The following AFDN variants were observed in gnomAD, a reference collection of about 807,000 sequenced individuals.
AFDN encodes the protein afadin.
AFDN carries 68 observed loss-of-function variants against 216.6 expected under a neutral mutation model. The ratio of observed to expected loss-of-function variants is 0.31; its 90% CI spans 0.26 to 0.38. The LOEUF (loss-of-function observed/expected upper bound fraction) is 0.38. Among genes scored for constraint, AFDN ranks in the 10% least tolerant of loss-of-function variants. The pLI, the probability that AFDN is intolerant of heterozygous loss-of-function variation, is 1.00. For missense variants in AFDN, 2,136 were observed against 2,342.0 expected, an observed-to-expected ratio of 0.91 and a Z score of 1.82; for synonymous variants, 868 against 853.7, an observed-to-expected ratio of 1.02 and a Z score of -0.29.
chr6:167,856,485 T>A (rs1459945042), intron 1 of AFDN, among the ~76,000 whole-genome samples: 1 of 152,108 alleles, frequency 6.6e-6, no homozygotes, highest in African/African-American at 2.4e-5. Flanking sequence ...CACATACTCT[T>A]AGGTACTATT....
chr6:167,946,246 A>C (rs1795241076), intron 26 of AFDN, among the ~76,000 whole-genome samples: 1 of 152,256 alleles, frequency 6.6e-6, no homozygotes, highest in Non-Finnish European at 1.5e-5. Flanking sequence ...TGTGAATAGT[A>C]GATGATAAAC....
chr6:167,914,881 C>T (rs114421132), intron 18 of AFDN, 143 bp downstream of exon 18: 2 of 673,086 alleles, frequency 3.0e-6, no homozygotes, highest in East Asian at 2.7e-5. Flanking sequence ...TAAATTTTAA[C>T]GATTATTTGT....
chr6:167,841,997 AT>A (rs1781125294), intron 1 of AFDN, among the ~76,000 whole-genome samples: 1 of 151,404 alleles, frequency 6.6e-6, no homozygotes, highest in African/African-American at 2.4e-5. Context: ...TTGTTTTTTA[AT>A]TAAAAAAAAA....
intron 11 of AFDN, among the ~76,000 whole-genome samples, chr6:167,899,707 G>A (rs575827732): frequency 6.6e-6 from 1 of 152,174 alleles, no homozygotes; most frequent in Non-Finnish European, 1.5e-5. Context: ...ACTGAGGTTT[G>A]TCCAAAGAGA....
chr6:167,925,130 C>G, intron 23 of AFDN, 39 bp downstream of exon 23: 2 of 1,417,446 alleles, frequency 1.4e-6, no homozygotes, highest in Non-Finnish European at 2.0e-6. Flanking sequence ...TCTCTCCAGT[C>G]TTTCGGCATT....
At chr6:167,873,656 C>T (rs1298840523) in intron 4 of AFDN, among the ~76,000 whole-genome samples, 1 of 152,236 alleles carries the variant, frequency 6.6e-6, no homozygotes, top group Non-Finnish European at 1.5e-5. Flanking sequence ...GCCCAGAAGA[C>T]TTCTCTTTTC....
In AFDN at chr6:167,965,758, G is replaced by C; in HGVS notation, c.4970G>C (p.Arg1657Thr). The C allele has an allele frequency of 6.5e-7, 1 of 1,536,360 alleles. No individual in the cohort carries two copies. Among genetic ancestry groups the C allele is most frequent in the Middle Eastern group, 1.7e-4 (1 of 5,770 alleles). The change falls in exon 32 of 34, where the codon AGG becomes ACG. Residue 1657 changes from arginine (R) to threonine (T), a missense_variant and splice_region_variant. Transcript: ENST00000683244. ...ERTKRDAEEK[R>T]RQEEGYYSRL... The stretch of plus-strand genomic sequence containing the variant: ...ACTCTTGTCTATTCCCGCCCGCAGA[G>C]GCGACAGGAAGAAGGGTATTACAGC...
intron 30 of AFDN, among the ~76,000 whole-genome samples, chr6:167,955,229 ACATTTAAAACCTGTGAATC>A (rs896755354): frequency 2.9e-4 from 44 of 152,336 alleles, no homozygotes; most frequent in Middle Eastern, 3.4e-3. Context: ...ATCAGACGGT[ACATTTAAAACCTGTGAATC>A]AAGGTTTGAC....
In AFDN at chr6:167,872,197, A is replaced by G. The variant is rs1411188586; in HGVS notation, c.415-17A>G. 1.2e-6 allele frequency: 2 copies of G among 1,600,690 alleles called. No individual in the cohort carries two copies. The highest frequency in any genetic ancestry group is 1.7e-6 in the Non-Finnish European group (2 of 1,176,392). Reference sequence around the variant, plus strand: ...TCTGCATAGTAGTCAATATGGTGATAATGTTACTTTCATCAGAAGGCTCAA... The same window carrying G: ...TCTGCATAGTAGTCAATATGGTGATGATGTTACTTTCATCAGAAGGCTCAA... On this transcript the variant is annotated splice_polypyrimidine_tract_variant and intron_variant, in intron 3 of 33. Transcript: ENST00000683244.
chr6:167,888,998 GAT>G (rs1393379132), intron 6 of AFDN, among the ~76,000 whole-genome samples: 27 of 152,102 alleles, frequency 1.8e-4, no homozygotes, highest in African/African-American at 6.0e-4. Context: ...GGGACCAGGT[GAT>G]TAAAAGCAGC....
rs936582058 is a variant in AFDN, at chr6:167,872,221, A to G, written c.422A>G (p.Gln141Arg). 2.5e-6 allele frequency: 4 copies of G among 1,608,924 alleles called. No individual in the cohort carries two copies. Among genetic ancestry groups the G allele is most frequent in the Non-Finnish European group, 3.4e-6 (4 of 1,178,788 alleles). The change falls in exon 4 of 34, where the codon CAA (glutamine) becomes CGA (arginine). Residue 141 changes from glutamine (Q) to arginine (R), a missense_variant. Physicochemically the swap from Gln to Arg is conservative, Grantham distance 43 (BLOSUM62 1). Around this residue, in one of 8 missense-constraint regions of AFDN, gnomAD observed 817 missense variants for 965.7 expected, o/e 0.85. Transcript: ENST00000683244. ...TAATGTTACTTTCATCAGAAGGCTC[A>G]AAGTAATGGACCTGAAAAGCAGGAA... is the stretch of plus-strand genomic sequence containing the variant. ...ENDAIPPKKA[Q>R]SNGPEKQEKE...
intron 32 of AFDN, among the ~76,000 whole-genome samples, chr6:167,967,328 G>T (rs935486345): frequency 6.6e-6 from 1 of 152,046 alleles, no homozygotes; most frequent in Non-Finnish European, 1.5e-5. Flanking sequence ...GATTAATTTT[G>T]CCAGAATTCT....
intron 1 of AFDN, chr6:167,864,254 C>T: frequency 1.7e-6 from 1 of 602,722 alleles, no homozygotes; most frequent in Non-Finnish European, 3.2e-6. Context: ...TATTGAGTGT[C>T]ATGGTGTGCC....
chr6:167,932,468 C>G (rs1793432605), intron 23 of AFDN: 1 of 152,162 alleles, frequency 6.6e-6, no homozygotes, highest in Non-Finnish European at 1.5e-5. Flanking sequence ...CAATTCCCTC[C>G]TTTTTATTTT....
Position 167,827,180 on chromosome 6 carries a change from C to T in AFDN, c.48C>T (p.Ile16=), listed in dbSNP as rs1205033775. Residue 16 remains isoleucine (I), a synonymous_variant, in exon 1 of 34, where the codon ATC becomes ATT. Coordinates refer to ENST00000683244, the MANE Select transcript of AFDN (RefSeq NM_001386888.1). ...AGGAGCGGCGGAAGCTGGCCGACAT[C>T]ATCCACCACTGGAACGCCAACCGGC... The part of the protein sequence containing the change: ...RDEERRKLAD[I]IHHWNANRLD... 1 of 1,305,830 alleles carries T rather than the reference C, an allele frequency of 7.7e-7. No homozygotes were observed. Among genetic ancestry groups the T allele is most frequent in the Admixed American group, 2.5e-5 (1 of 40,562 alleles). 80.9% of individuals were successfully genotyped at this position (1,305,830 alleles called of 1,614,324 possible). A position where few individuals can be genotyped will look rare whatever the true frequency, so the allele number is the denominator to read the frequency against.
At chr6:167,922,330 G>T (rs1282539039) in intron 21 of AFDN, among the ~76,000 whole-genome samples, 3 of 152,148 alleles carry the variant, frequency 2.0e-5, no homozygotes, top group Non-Finnish European at 2.9e-5. Context: ...AAATTAGTAT[G>T]ACCTTAAAAG....
At chr6:167,961,129 A>G (rs1207390290) in intron 30 of AFDN, among the ~76,000 whole-genome samples, 4 of 152,206 alleles carry the variant, frequency 2.6e-5, no homozygotes, top group Non-Finnish European at 4.4e-5. Context: ...TTATATTTCT[A>G]CTACAAACAA....
At chr6:167,830,392 A>G (rs548080490) in intron 1 of AFDN, among the ~76,000 whole-genome samples, 78 of 152,232 alleles carry the variant, frequency 5.1e-4, no homozygotes, top group Non-Finnish European at 1.0e-3. Flanking sequence ...TAGGAGCTCA[A>G]TAAATATTGT....
At chr6:167,840,670 C>A (rs1359327236) in intron 1 of AFDN, among the ~76,000 whole-genome samples, 1 of 152,152 alleles carries the variant, frequency 6.6e-6, no homozygotes, top group Non-Finnish European at 1.5e-5. Context: ...GAGAAGAGTA[C>A]TATATGTGTG....
Sources: allele counts gnomAD v4.1 joint callset (sites outside exome capture counted in the v4.1 genomes callset), GRCh38; gene constraint gnomAD v4.1.1; regional missense constraint gnomAD v4.1.1; transcripts MANE v1.5; gene names NCBI Gene and HGNC (gene_info 2026-07-23, HGNC 2026-07-21).